SYNDIG1: variants seen among roughly 807,000 people sequenced by gnomAD.
The protein encoded by SYNDIG1 is synapse differentiation inducing 1.
In SYNDIG1, 9 loss-of-function variants were observed where a neutral mutation model predicts 19.4. That is an observed-to-expected ratio of 0.46 (90% CI 0.28 to 0.81). The LOEUF is 0.81. Among genes scored for constraint, SYNDIG1 ranks in the 30% least tolerant of loss-of-function variants. The pLI is 0.12. For synonymous variants in SYNDIG1, 141 were observed against 145.9 expected, an observed-to-expected ratio of 0.97 and a Z score of 0.24; for missense variants, 311 against 343.3, an observed-to-expected ratio of 0.91 and a Z score of 0.74.
At chr20:24,651,365 G>A (rs1216994779) in intron 3 of SYNDIG1, among the ~76,000 whole-genome samples, 1 of 152,136 alleles carries the variant, frequency 6.6e-6, no homozygotes, top group African/African-American at 2.4e-5. Context: ...GATGATGCAA[G>A]AGATTGTGGG....
chr20:24,559,856 C>G (rs532655321), intron 2 of SYNDIG1, among the ~76,000 whole-genome samples: 1 of 151,172 alleles, frequency 6.6e-6, no homozygotes, highest in Non-Finnish European at 1.5e-5. Flanking sequence ...ATTTCCTGTT[C>G]GGGACAAGTC....
intron 2 of SYNDIG1, among the ~76,000 whole-genome samples, chr20:24,563,309 G>A (rs1291751042): frequency 6.6e-6 from 1 of 152,076 alleles, no homozygotes; most frequent in Non-Finnish European, 1.5e-5. Context: ...TGATATTTAT[G>A]GTTTCTTTGA....
At chr20:24,631,262 G>A (rs1314056920) in intron 3 of SYNDIG1, among the ~76,000 whole-genome samples, 3 of 152,200 alleles carry the variant, frequency 2.0e-5, no homozygotes, top group Admixed American at 6.5e-5. Context: ...GGAAACCGTG[G>A]CCTGGCATCT....
intron 1 of SYNDIG1, among the ~76,000 whole-genome samples, chr20:24,521,807 G>C (rs1454322323): frequency 1.3e-5 from 2 of 151,544 alleles, no homozygotes; most frequent in Non-Finnish European, 2.9e-5. Context: ...GGCTGACGCA[G>C]GAGAATCGCT....
intron 3 of SYNDIG1, among the ~76,000 whole-genome samples, chr20:24,595,675 A>G (rs1207824288): frequency 6.6e-6 from 1 of 152,144 alleles, no homozygotes; most frequent in African/African-American, 2.4e-5. Context: ...GGAACTCATT[A>G]TTGGCCTTTT....
At chr20:24,660,970 A>G (rs12624767) in intron 3 of SYNDIG1, among the ~76,000 whole-genome samples, 30,971 of 152,222 alleles carry the variant, frequency 0.2, 4,004 homozygotes, top group East Asian at 0.57. Context: ...AGTGCTGGAC[A>G]TGCATGGAGC....
chr20:24,576,494 CA>C (rs955180268), intron 2 of SYNDIG1, among the ~76,000 whole-genome samples: 9 of 152,168 alleles, frequency 5.9e-5, no homozygotes, highest in African/African-American at 2.2e-4. Context: ...GATCGGGGGG[CA>C]CGTGCCCCTG....
intron 1 of SYNDIG1, among the ~76,000 whole-genome samples, chr20:24,500,853 T>C (rs2056437083): frequency 6.6e-6 from 1 of 152,148 alleles, no homozygotes; most frequent in Non-Finnish European, 1.5e-5. Context: ...TCATTCCTCA[T>C]AAAGCAAAAT....
chr20:24,504,578 G>A (rs754116472), intron 1 of SYNDIG1, among the ~76,000 whole-genome samples: 35 of 152,134 alleles, frequency 2.3e-4, no homozygotes, highest in Non-Finnish European at 2.2e-4. Flanking sequence ...ACCTGAGGCT[G>A]TATTGTCCCT....
chr20:24,488,867 C>A (rs540010200), intron 1 of SYNDIG1, among the ~76,000 whole-genome samples: 1 of 152,144 alleles, frequency 6.6e-6, no homozygotes, highest in African/African-American at 2.4e-5. Flanking sequence ...CATCCCCGGG[C>A]GCTCGGAGGA....
chr20:24,626,436 C>T (rs187365029), intron 3 of SYNDIG1, among the ~76,000 whole-genome samples: 207 of 149,360 alleles, frequency 1.4e-3, no homozygotes, highest in Middle Eastern at 7.5e-3. Flanking sequence ...ACATCCTAGA[C>T]GGGGCAGCAG....
At chr20:24,551,111 C>T (rs1600597862) in intron 2 of SYNDIG1, among the ~76,000 whole-genome samples, 1 of 152,172 alleles carries the variant, frequency 6.6e-6, no homozygotes, top group Non-Finnish European at 1.5e-5. Flanking sequence ...TTAGAACTCA[C>T]CAGTGAAGGC....
Position 24,543,251 on chromosome 20 carries a change from C to G in SYNDIG1, c.154C>G (p.Arg52Gly). The change falls in exon 2 of 4, where the codon CGG (arginine) becomes GGG (glycine). Residue 52 changes from arginine (R) to glycine (G), a missense_variant. Arg to Gly is a moderately radical substitution (Grantham distance 125). Coordinates refer to ENST00000376862, the MANE Select transcript of SYNDIG1 (RefSeq NM_024893.3). ...VYPAPQYQSH[R>G]VGASTVPASL... is the part of the protein sequence containing the mutation. ...CCCAGCGCCCCAGTACCAGAGCCAC[C>G]GGGTGGGGGCCAGCACAGTGCCGGC... The G allele has an allele frequency of 1.9e-6, 3 of 1,613,722 alleles. No individual in the cohort carries two copies. The highest frequency in any genetic ancestry group is 2.2e-5 in the South Asian group (2 of 91,082).
intron 3 of SYNDIG1, among the ~76,000 whole-genome samples, chr20:24,626,981 C>A (rs2059153788): frequency 6.6e-6 from 1 of 152,142 alleles, no homozygotes; most frequent in Admixed American, 6.5e-5. Context: ...CAGGCTGAGG[C>A]AGGAGAATCA....
At chr20:24,572,083 T>C (rs776679363) in intron 2 of SYNDIG1, among the ~76,000 whole-genome samples, 15 of 152,178 alleles carry the variant, frequency 9.9e-5, no homozygotes, top group South Asian at 2.1e-4. Flanking sequence ...AACCCCTAAT[T>C]TTAGTGGGTC....
At position 24,469,640 on chromosome 20, in the gene SYNDIG1, G is replaced by C. The variant is rs2146153356; in HGVS notation, c.-192G>C. The C allele has an allele frequency of 6.6e-6, 1 of 152,052 alleles. No individual in the cohort carries two copies. The highest frequency in any genetic ancestry group is 1.9e-4 in the East Asian group (1 of 5,162). The allele number at this position is 152,052 out of a possible 1,614,324, so 9.4% of individuals were successfully genotyped here. A position where few individuals can be genotyped will look rare whatever the true frequency, so the allele number is the denominator to read the frequency against. On this transcript the variant is annotated 5_prime_UTR_variant, in exon 1 of 4. Transcript: ENST00000376862. Reference sequence around the variant, plus strand: ...GCTGAGGGGAGGGCAGAGGAGGAGAGAGCCTGGCAGCGGAGGAGCAGAGGC... The same window carrying C: ...GCTGAGGGGAGGGCAGAGGAGGAGACAGCCTGGCAGCGGAGGAGCAGAGGC...
chr20:24,644,272 A>G (rs2059404335), intron 3 of SYNDIG1, among the ~76,000 whole-genome samples: 1 of 152,256 alleles, frequency 6.6e-6, no homozygotes, highest in Non-Finnish European at 1.5e-5. Context: ...GGCAGAGGTT[A>G]ATTAAAATGA....
intron 3 of SYNDIG1, among the ~76,000 whole-genome samples, chr20:24,625,164 G>T (rs2059103565): frequency 2.0e-5 from 3 of 152,032 alleles, no homozygotes; most frequent in Admixed American, 2.0e-4. Context: ...CAAAAGGAAG[G>T]AAATAACTAC....
At chr20:24,664,036 G>C (rs2059627178) in intron 3 of SYNDIG1, among the ~76,000 whole-genome samples, 1 of 152,104 alleles carries the variant, frequency 6.6e-6, no homozygotes, top group Admixed American at 6.5e-5. Context: ...GCTCCCTCCA[G>C]AATTGTCCAT....
Sources: gnomAD v4.1 joint callset for allele counts (sites outside exome capture counted in the v4.1 genomes callset) on GRCh38, gnomAD v4.1.1 for gene constraint, MANE v1.5 for transcripts, NCBI Gene and HGNC (gene_info 2026-07-23, HGNC 2026-07-21) for gene names.